Variants in DACH2 observed in about 807,000 individuals in gnomAD.
DACH2 encodes dachshund family transcription factor 2, also known as dachshund homolog 2.
A neutral mutation model predicts 35.8 loss-of-function variants in DACH2; 17 were observed. That is an observed-to-expected ratio of 0.48 (90% confidence interval 0.33 to 0.71). DACH2 has a LOEUF of 0.71. Ranked by LOEUF, DACH2 falls within the 30% of genes least tolerant of loss-of-function variation. The pLI, the probability that DACH2 is intolerant of heterozygous loss-of-function variation, is 0.02. For synonymous variants in DACH2, 195 were observed against 177.3 expected (o/e 1.10, Z -0.79); for missense variants, 469 against 472.7 (o/e 0.99, Z 0.07).
chrX:86,430,256 T>C (rs1018839956), intron 2 of DACH2, among the ~76,000 whole-genome samples: 5 of 112,411 alleles, frequency 4.4e-5, no homozygotes, highest in Non-Finnish European at 9.4e-5. Flanking sequence ...CATGTAGCTA[T>C]TGAGATTTTG....
chrX:86,568,772 A>C (rs2039325923), intron 3 of DACH2, among the ~76,000 whole-genome samples: 1 of 111,596 alleles, frequency 9.0e-6, no homozygotes, highest in Non-Finnish European at 1.9e-5. Flanking sequence ...CTACTCCTTA[A>C]TAAACATGAC....
intron 4 of DACH2, among the ~76,000 whole-genome samples, chrX:86,659,774 T>A (rs2040585454): frequency 8.9e-6 from 1 of 111,998 alleles, no homozygotes; most frequent in Non-Finnish European, 1.9e-5. Flanking sequence ...TTGGTTACAA[T>A]GAACGAATCT....
chrX:86,707,744 G>A (rs1177052638), intron 5 of DACH2, among the ~76,000 whole-genome samples: 3 of 107,688 alleles, frequency 2.8e-5, no homozygotes, highest in East Asian at 3.0e-4. Context: ...CTGAAACCCC[G>A]TCTCTACTAA....
Position 86,149,811 on chromosome X carries a change from C to A in DACH2, c.488+703C>A, listed in dbSNP as rs2030299550. On this transcript the variant is annotated intron_variant, in intron 1 of 11. Transcript: ENST00000373125. ...AAAGGACGACGACAAATATCACTTTCCTGGGATCGTCCGTTTTGGGTTATC... is the reference window on the plus strand; with the variant it reads ...AAAGGACGACGACAAATATCACTTTACTGGGATCGTCCGTTTTGGGTTATC... Among the ~76,000 whole-genome samples, 3 of 112,319 alleles carry A rather than the reference C, an allele frequency of 2.7e-5. No homozygotes were observed. The South Asian group carries it at 1.1e-3, about 42-fold the overall frequency.
chrX:86,307,190 G>A (rs1386509160), intron 1 of DACH2, among the ~76,000 whole-genome samples: 3 of 111,734 alleles, frequency 2.7e-5, no homozygotes, highest in Non-Finnish European at 5.6e-5. Flanking sequence ...TGAACTCAAG[G>A]ATTCTGTCTC....
chrX:86,183,932 A>G (rs986500910), intron 1 of DACH2, among the ~76,000 whole-genome samples: 1 of 110,838 alleles, frequency 9.0e-6, no homozygotes, highest in African/African-American at 3.3e-5. Context: ...GAATTTATCT[A>G]TTTCTTCTGG....
chrX:86,343,937 G>A (rs2035455099), intron 1 of DACH2, among the ~76,000 whole-genome samples: 1 of 110,422 alleles, frequency 9.1e-6, no homozygotes, highest in African/African-American at 3.3e-5. Flanking sequence ...TGGGGAGGAA[G>A]TGGGGATGGT....
chrX:86,304,132 G>A (rs1434480379), intron 1 of DACH2, among the ~76,000 whole-genome samples: 1 of 112,048 alleles, frequency 8.9e-6, no homozygotes, highest in Non-Finnish European at 1.9e-5. Context: ...AAGAACAGCT[G>A]CTTCAATAAA....
chrX:86,360,547 A>G (rs989609721), intron 1 of DACH2, among the ~76,000 whole-genome samples: 2 of 111,667 alleles, frequency 1.8e-5, no homozygotes, highest in African/African-American at 6.5e-5. Flanking sequence ...ACACTTTTAC[A>G]TTTTATCATA....
At chrX:86,817,083 A>G (rs767969069) in intron 11 of DACH2, among the ~76,000 whole-genome samples, 1 of 111,532 alleles carries the variant, frequency 9.0e-6, no homozygotes, top group African/African-American at 3.3e-5. Context: ...TTTTACATGT[A>G]GTTTTACAAG....
At chrX:86,670,557 G>A (rs1295990007) in intron 4 of DACH2, among the ~76,000 whole-genome samples, 1 of 111,883 alleles carries the variant, frequency 8.9e-6, no homozygotes, top group African/African-American at 3.2e-5. Flanking sequence ...TTCTAATGCT[G>A]TTCCCAACCT....
At chrX:86,595,619 T>C (rs1395834128) in intron 3 of DACH2, among the ~76,000 whole-genome samples, 1 of 110,888 alleles carries the variant, frequency 9.0e-6, no homozygotes, top group African/African-American at 3.3e-5. Flanking sequence ...ATTATTGATA[T>C]AGTTGGTTAA....
chrX:86,355,340 T>C (rs914020331), intron 1 of DACH2, among the ~76,000 whole-genome samples: 2 of 111,921 alleles, frequency 1.8e-5, no homozygotes, highest in South Asian at 3.7e-4. Context: ...TATGTCTTTA[T>C]GGTAGAATGA....
intron 2 of DACH2, among the ~76,000 whole-genome samples, chrX:86,475,178 T>C (rs768912606): frequency 9.0e-6 from 1 of 111,685 alleles, no homozygotes; most frequent in Non-Finnish European, 1.9e-5. Context: ...TGTGGTACCA[T>C]ATAAGTTTTA....
At chrX:86,187,937 A>G (rs1041494745) in intron 1 of DACH2, among the ~76,000 whole-genome samples, 2 of 111,966 alleles carry the variant, frequency 1.8e-5, no homozygotes, top group African/African-American at 6.5e-5. Flanking sequence ...CTTAGACTTG[A>G]TTTATTGCCA....
intron 7 of DACH2, among the ~76,000 whole-genome samples, chrX:86,757,657 C>T (rs186644550): frequency 2.7e-5 from 3 of 111,631 alleles, no homozygotes; most frequent in Admixed American, 1.9e-4. Flanking sequence ...TTGCTATTCT[C>T]ATAATGGCGT....
chrX:86,443,551 T>C (rs1214022048), intron 2 of DACH2, among the ~76,000 whole-genome samples: 1 of 109,729 alleles, frequency 9.1e-6, no homozygotes, highest in African/African-American at 3.3e-5. Flanking sequence ...GGGATATTAC[T>C]GTGTTGAAAA....
In DACH2 at chrX:86,736,124, A is replaced by G. The variant is rs538721260; in HGVS notation, c.1105-3623A>G. 3.1e-4 allele frequency among the ~76,000 whole-genome samples: 35 copies of G among 111,463 alleles called. No homozygotes were observed. The South Asian group carries it at 0.013, about 42-fold the overall frequency. On this transcript the variant is annotated intron_variant, in intron 6 of 11. Transcript: ENST00000373125. ...TGTTCATATAATTATTCATTATTTT[A>G]GGAGAACTTAAACATTCCACTTCCA...
At chrX:86,657,584 C>A (rs1602747957) in intron 4 of DACH2, among the ~76,000 whole-genome samples, 1 of 111,159 alleles carries the variant, frequency 9.0e-6, no homozygotes, top group African/African-American at 3.3e-5. Flanking sequence ...AATGAATGGT[C>A]TCTCTTTGTT....
Sources: gnomAD v4.1 joint callset for allele counts (sites outside exome capture counted in the v4.1 genomes callset) on GRCh38, gnomAD v4.1.1 for gene constraint, MANE v1.5 for transcripts, NCBI Gene and HGNC (gene_info 2026-07-23, HGNC 2026-07-21) for gene names.